ANO10: variants seen among roughly 807,000 people sequenced by gnomAD.
The protein encoded by ANO10 is anoctamin 10, also known as anoctamin-10.
Under a neutral mutation model 74.7 loss-of-function variants are expected in ANO10, and 77 were observed. That is an observed-to-expected ratio of 1.03 (90% confidence interval 0.86 to 1.25). ANO10 has a LOEUF of 1.25. ANO10 is among the 50% of genes most tolerant of loss of function. The pLI, the probability that ANO10 is intolerant of heterozygous loss-of-function variation, is 0.00. For synonymous variants in ANO10, 279 were observed against 284.9 expected, an observed-to-expected ratio of 0.98 and a Z score of 0.21; for missense variants, 721 against 778.1, an observed-to-expected ratio of 0.93 and a Z score of 0.87.
At chr3:43,553,400 C>G (rs564474288) in intron 10 of ANO10, among the ~76,000 whole-genome samples, 2 of 152,030 alleles carry the variant, frequency 1.3e-5, no homozygotes, top group South Asian at 4.2e-4. Context: ...ACTTTTTGGG[C>G]CCCTCCCTCT....
intron 12 of ANO10, among the ~76,000 whole-genome samples, chr3:43,386,974 T>C (rs1415419577): frequency 6.6e-6 from 1 of 152,172 alleles, no homozygotes; most frequent in Non-Finnish European, 1.5e-5. Context: ...TGTGGTTGTT[T>C]TCTTCACTGG....
At chr3:43,405,072 T>A (rs1007635326) in intron 12 of ANO10, among the ~76,000 whole-genome samples, 6 of 152,176 alleles carry the variant, frequency 3.9e-5, no homozygotes, top group Admixed American at 3.9e-4. Context: ...ATTTAGAAAA[T>A]GTTTAAGATC....
At position 43,531,986 on chromosome 3, in the gene ANO10, C is replaced by G. The variant is rs78934535; in HGVS notation, c.1797+17734G>C. ...TGATGCTTCACCCAACAAACTTAAA[C>G]CCTCTTCACTCAGTCACCCCGTCCA... is the stretch of plus-strand genomic sequence containing the variant. On this transcript the variant is annotated intron_variant, in intron 11 of 12. Coordinates refer to ENST00000292246, the MANE Select transcript of ANO10 (RefSeq NM_018075.5). Among the ~76,000 whole-genome samples, 1,154 of 152,132 alleles carry G rather than the reference C, an allele frequency of 7.6e-3. 15 individuals carry two copies. The highest frequency in any genetic ancestry group is 0.025 in the African/African-American group (1,042 of 41,496).
intron 1 of ANO10, among the ~76,000 whole-genome samples, chr3:43,660,080 C>A (rs971606424): frequency 6.6e-6 from 1 of 150,586 alleles, no homozygotes; most frequent in African/African-American, 2.4e-5. Context: ...CACACCAAAA[C>A]CCCATCTGTA....
intron 8 of ANO10, among the ~76,000 whole-genome samples, chr3:43,562,609 A>C (rs1410770401): frequency 6.6e-6 from 1 of 151,940 alleles, no homozygotes; most frequent in African/African-American, 2.4e-5. Flanking sequence ...TGAACCTAGG[A>C]GGTAGAGGCT....
intron 11 of ANO10, among the ~76,000 whole-genome samples, chr3:43,481,927 C>CTTTT (rs1161910647): frequency 2.4e-5 from 3 of 123,878 alleles, no homozygotes; most frequent in Non-Finnish European, 3.4e-5. Flanking sequence ...CTTTTTTTTT[C>CTTTT]TTTTTTTTTT....
chr3:43,427,355 T>C (rs929923164), intron 12 of ANO10, among the ~76,000 whole-genome samples: 3 of 152,114 alleles, frequency 2.0e-5, no homozygotes, highest in Admixed American at 2.0e-4. Context: ...ACCTTCGATT[T>C]AGGGAAGAAG....
At position 43,562,224 on chromosome 3, in the gene ANO10, G is replaced by T. The variant is rs948175655; in HGVS notation, c.1294-822C>A. On this transcript the variant is annotated intron_variant, in intron 8 of 12. Coordinates refer to ENST00000292246, the MANE Select transcript of ANO10 (RefSeq NM_018075.5). ...TCCCAGCACTTTGGGAGGCCGAGGCGGGCAGATCACGAGGTCAGGAGATCG... is the reference window on the plus strand; with the variant it reads ...TCCCAGCACTTTGGGAGGCCGAGGCTGGCAGATCACGAGGTCAGGAGATCG... 5.9e-5 allele frequency among the ~76,000 whole-genome samples: 9 copies of T among 151,744 alleles called. No individual in the cohort carries two copies. The South Asian group carries it at 1.9e-3, about 32-fold the overall frequency.
At chr3:43,581,812 G>A (rs2081274318) in intron 4 of ANO10, among the ~76,000 whole-genome samples, 1 of 151,380 alleles carries the variant, frequency 6.6e-6, no homozygotes, top group African/African-American at 2.4e-5. Flanking sequence ...TGTAGTCCTA[G>A]CTACTCAGGA....
intron 4 of ANO10, among the ~76,000 whole-genome samples, chr3:43,593,854 T>A (rs1005823439): frequency 6.6e-6 from 1 of 152,168 alleles, no homozygotes; most frequent in African/African-American, 2.4e-5. Flanking sequence ...GTATGCTGTA[T>A]TCAGGAGACC....
intron 1 of ANO10, among the ~76,000 whole-genome samples, chr3:43,610,985 G>C: frequency 6.6e-6 from 1 of 152,160 alleles, no homozygotes; most frequent in East Asian, 1.9e-4. Flanking sequence ...AAGGTTTCTT[G>C]TCTAGTTCTC....
At chr3:43,686,571 TCA>T (rs747172576) in intron 1 of ANO10, among the ~76,000 whole-genome samples, 1 of 152,116 alleles carries the variant, frequency 6.6e-6, no homozygotes, top group Non-Finnish European at 1.5e-5. Flanking sequence ...CAGGCGTGAG[TCA>T]CCACACCCAG....
intron 4 of ANO10, among the ~76,000 whole-genome samples, chr3:43,592,038 C>A (rs1307236725): frequency 6.6e-6 from 1 of 151,962 alleles, no homozygotes; most frequent in East Asian, 1.9e-4. Context: ...AAGGCAGCAG[C>A]AAGGCTGGGG....
At chr3:43,485,368 C>G (rs977192438) in intron 11 of ANO10, 2 of 457,942 alleles carry the variant, frequency 4.4e-6, no homozygotes, top group Non-Finnish European at 4.0e-6. Context: ...CGCCCATTGC[C>G]GCTCCTGATC....
chr3:43,656,499 C>T (rs890048517), intron 1 of ANO10, among the ~76,000 whole-genome samples: 10 of 152,150 alleles, frequency 6.6e-5, no homozygotes, highest in East Asian at 1.9e-4. Context: ...CGGGGAGGCT[C>T]GGGCCGCACA....
intron 12 of ANO10, among the ~76,000 whole-genome samples, chr3:43,412,645 C>G (rs1392426051): frequency 6.6e-6 from 1 of 152,194 alleles, no homozygotes; most frequent in African/African-American, 2.4e-5. Context: ...ATGAAAGAAA[C>G]AAACTCTGTA....
At chr3:43,637,710 C>T (rs1421377813) in intron 1 of ANO10, 1 of 151,876 alleles carries the variant, frequency 6.6e-6, no homozygotes, top group African/African-American at 2.4e-5. Flanking sequence ...CCCAGAAACT[C>T]CACTTTGTAG....
At chr3:43,565,561 T>TGAATAATAATTTGAAATAAATTG (rs2080270770) in intron 8 of ANO10, 92 bp downstream of exon 8, 1 of 1,004,920 alleles carries the variant, frequency 1.0e-6, no homozygotes, top group Non-Finnish European at 1.5e-6. Flanking sequence ...ATTTTATTTG[T>TGAATAATAATTTGAAATAAATTG]AAAAATAATT....
chr3:43,491,674 C>T (rs977568396), intron 11 of ANO10, among the ~76,000 whole-genome samples: 3 of 152,096 alleles, frequency 2.0e-5, no homozygotes, highest in Non-Finnish European at 2.9e-5. Context: ...AAACTTGCCT[C>T]GGTCTCTCCT....
Sources: allele counts gnomAD v4.1 joint callset (sites outside exome capture counted in the v4.1 genomes callset), GRCh38; gene constraint gnomAD v4.1.1; transcripts MANE v1.5; gene names NCBI Gene and HGNC (gene_info 2026-07-23, HGNC 2026-07-21).